CADM2: variants seen among roughly 807,000 people sequenced by gnomAD.
The protein encoded by CADM2 is immunoglobulin superfamily member 4D.
Under a neutral mutation model 49.8 loss-of-function variants are expected in CADM2, and 12 were observed. The observed-to-expected ratio is 0.24, with a 90% confidence interval of 0.15 to 0.39. The LOEUF is 0.39. CADM2 is among the 10% of genes least tolerant of loss of function. The pLI, the probability that CADM2 is intolerant of heterozygous loss-of-function variation, is 1.00. For synonymous variants in CADM2, 214 were observed against 175.4 expected (o/e 1.22, Z -1.74); for missense variants, 378 against 492.3 (o/e 0.77, Z 2.20).
At chr3:85,030,424 A>G (rs2034928754) in intron 1 of CADM2, among the ~76,000 whole-genome samples, 1 of 152,186 alleles carries the variant, frequency 6.6e-6, no homozygotes. Flanking sequence ...ACATACGACC[A>G]GCATATTTTG....
intron 1 of CADM2, among the ~76,000 whole-genome samples, chr3:85,355,902 T>C (rs1027634796): frequency 6.6e-6 from 1 of 152,086 alleles, no homozygotes; most frequent in African/African-American, 2.4e-5. Context: ...CGTTTCATGT[T>C]TGTTGTAATA....
chr3:86,016,774 A>G (rs1460170018), intron 8 of CADM2, among the ~76,000 whole-genome samples: 1 of 152,220 alleles, frequency 6.6e-6, no homozygotes, highest in Non-Finnish European at 1.5e-5. Flanking sequence ...ATGATGATTA[A>G]TATGTCGCTG....
chr3:85,988,489 A>G (rs1728383414), intron 8 of CADM2, among the ~76,000 whole-genome samples: 1 of 152,188 alleles, frequency 6.6e-6, no homozygotes, highest in Admixed American at 6.5e-5. Flanking sequence ...TATCTATTAA[A>G]TGATTGAGAA....
intron 2 of CADM2, among the ~76,000 whole-genome samples, chr3:85,747,294 T>C (rs145431508): frequency 1.2e-3 from 179 of 152,242 alleles, no homozygotes; most frequent in African/African-American, 4.3e-3. Context: ...AAATAATTTC[T>C]TAAAATTAGA....
chr3:85,477,656 C>T (rs1340058447), intron 1 of CADM2, among the ~76,000 whole-genome samples: 1 of 151,866 alleles, frequency 6.6e-6, no homozygotes, highest in African/African-American at 2.4e-5. Context: ...GTTAGGTTGA[C>T]ATTTTTCTTT....
intron 1 of CADM2, among the ~76,000 whole-genome samples, chr3:85,601,989 C>G (rs2063420690): frequency 1.3e-5 from 2 of 151,748 alleles, no homozygotes; most frequent in South Asian, 4.1e-4. Flanking sequence ...CAAATTAAAA[C>G]TGTCAGCAGG....
At chr3:86,002,803 T>A (rs1005964100) in intron 8 of CADM2, among the ~76,000 whole-genome samples, 2 of 152,184 alleles carry the variant, frequency 1.3e-5, no homozygotes, top group African/African-American at 4.8e-5. Context: ...AGAGTTCAGG[T>A]GTCCATGAAA....
intron 1 of CADM2, among the ~76,000 whole-genome samples, chr3:85,527,722 A>G (rs566766277): frequency 6.6e-6 from 1 of 152,282 alleles, no homozygotes; most frequent in East Asian, 1.9e-4. Context: ...ATACAAATTG[A>G]CAATGTCGAA....
intron 1 of CADM2, among the ~76,000 whole-genome samples, chr3:85,637,405 A>G (rs889009824): frequency 6.7e-5 from 10 of 150,190 alleles, no homozygotes; most frequent in African/African-American, 2.5e-4. Context: ...GATCGAGACC[A>G]TCCTGGCTAA....
At chr3:84,997,945 T>C (rs961587941) in intron 1 of CADM2, among the ~76,000 whole-genome samples, 1 of 152,148 alleles carries the variant, frequency 6.6e-6, no homozygotes. Context: ...CCTCAAGTTA[T>C]TTGACTGTAG....
chr3:85,403,852 T>A (rs1208261924), intron 1 of CADM2, among the ~76,000 whole-genome samples: 3 of 152,128 alleles, frequency 2.0e-5, no homozygotes, highest in South Asian at 2.1e-4. Context: ...GCTATGTTGG[T>A]ATGACATGTT....
intron 1 of CADM2, among the ~76,000 whole-genome samples, chr3:85,253,114 T>G (rs923593325): frequency 1.2e-4 from 18 of 152,220 alleles, no homozygotes; most frequent in African/African-American, 3.8e-4. Context: ...TTTAAAATTT[T>G]GCACGCTAAC....
chr3:85,099,598 T>C (rs544287366), intron 1 of CADM2, among the ~76,000 whole-genome samples: 121 of 151,808 alleles, frequency 8.0e-4, no homozygotes, highest in African/African-American at 2.7e-3. Flanking sequence ...GCCTCCCGAG[T>C]AGGTGGGATT....
At chr3:85,519,519 ATACT>A (rs1443395905) in intron 1 of CADM2, among the ~76,000 whole-genome samples, 1 of 152,118 alleles carries the variant, frequency 6.6e-6, no homozygotes, top group Non-Finnish European at 1.5e-5. Flanking sequence ...TATTGGAATA[ATACT>A]TACCCAACAT....
chr3:85,496,295 G>A (rs1478086531), intron 1 of CADM2, among the ~76,000 whole-genome samples: 2 of 152,118 alleles, frequency 1.3e-5, no homozygotes, highest in East Asian at 3.9e-4. Flanking sequence ...AAGAACATGT[G>A]TTGATTTTCT....
chr3:85,761,666 C>T (rs912694269), intron 2 of CADM2, among the ~76,000 whole-genome samples: 3 of 152,032 alleles, frequency 2.0e-5, no homozygotes, highest in Non-Finnish European at 4.4e-5. Context: ...TGAGCCACCA[C>T]GCCTGGCCAC....
At chr3:85,585,550 A>T (rs1325341668) in intron 1 of CADM2, among the ~76,000 whole-genome samples, 4 of 151,924 alleles carry the variant, frequency 2.6e-5, no homozygotes, top group African/African-American at 9.7e-5. Context: ...ATGTTTGTAT[A>T]AAAAAACATA....
chr3:85,565,631 GA>G (rs554862355), intron 1 of CADM2, among the ~76,000 whole-genome samples: 1 of 151,800 alleles, frequency 6.6e-6, no homozygotes, highest in Non-Finnish European at 1.5e-5. Context: ...TCTCTAAGAG[GA>G]AAAAAATGCA....
At chr3:85,215,748 G>A (rs531094901) in intron 1 of CADM2, among the ~76,000 whole-genome samples, 1 of 152,140 alleles carries the variant, frequency 6.6e-6, no homozygotes, top group Non-Finnish European at 1.5e-5. Context: ...AGTTCCTACT[G>A]CTAGGGTAGA....
Sources: gnomAD v4.1 joint callset for allele counts (sites outside exome capture counted in the v4.1 genomes callset) on GRCh38, gnomAD v4.1.1 for gene constraint, MANE v1.5 for transcripts, NCBI Gene and HGNC (gene_info 2026-07-23, HGNC 2026-07-21) for gene names.